The following ANXA4 variants were observed in gnomAD, a reference collection of about 807,000 sequenced individuals.
The protein encoded by ANXA4 is annexin A4, also known as 35-beta calcimedin.
A neutral mutation model predicts 49.8 loss-of-function variants in ANXA4; 39 were observed. The observed-to-expected ratio is 0.78, with a 90% CI of 0.61 to 1.02. ANXA4 has a LOEUF of 1.02. ANXA4 is among the 50% of genes least tolerant of loss of function. The pLI is 0.00. For synonymous variants in ANXA4, 134 were observed against 152.5 expected (o/e 0.88, Z 0.89); for missense variants, 360 against 410.1 (o/e 0.88, Z 1.05).
intron 2 of ANXA4, among the ~76,000 whole-genome samples, chr2:69,709,877 C>T (rs1678620922): frequency 6.6e-6 from 1 of 151,994 alleles, no homozygotes; most frequent in Admixed American, 6.6e-5. Flanking sequence ...TTAACTAAAG[C>T]ATGCTTGCTG....
chr2:69,765,716 C>A (rs946414617), intron 1 of ANXA4, among the ~76,000 whole-genome samples: 19 of 152,234 alleles, frequency 1.2e-4, no homozygotes, highest in African/African-American at 4.6e-4. Flanking sequence ...AAACCCTAGT[C>A]TAAAATCAAT....
At chr2:69,792,353 A>G (rs1389935178) in intron 3 of ANXA4, among the ~76,000 whole-genome samples, 3 of 152,244 alleles carry the variant, frequency 2.0e-5, no homozygotes, top group Admixed American at 6.5e-5. Context: ...TTAGTTTGCT[A>G]TTAATGTTAA....
chr2:69,794,406 A>G (rs964883191), intron 3 of ANXA4, among the ~76,000 whole-genome samples: 1 of 152,166 alleles, frequency 6.6e-6, no homozygotes, highest in Non-Finnish European at 1.5e-5. Context: ...GCTGGACCTC[A>G]AGCCTTAGTT....
intron 1 of ANXA4, among the ~76,000 whole-genome samples, chr2:69,773,192 A>G (rs560499194): frequency 6.6e-6 from 1 of 152,300 alleles, no homozygotes; most frequent in African/African-American, 2.4e-5. Context: ...TCCTTAAGTG[A>G]AATATTTCTA....
At chr2:69,775,961 TTTTA>T (rs61468872) in intron 1 of ANXA4, among the ~76,000 whole-genome samples, 71 of 104,560 alleles carry the variant, frequency 6.8e-4, no homozygotes, top group African/African-American at 1.9e-3. Flanking sequence ...TTTATTTTTA[TTTTA>T]TTTATTTATT....
At chr2:69,672,497 G>A (rs535985049) in intron 2 of ANXA4, among the ~76,000 whole-genome samples, 1 of 152,218 alleles carries the variant, frequency 6.6e-6, no homozygotes, top group East Asian at 1.9e-4. Context: ...CCCCCAAAGT[G>A]CTGGAATTAC....
At chr2:69,757,891 GGA>G (rs1413188033) in intron 1 of ANXA4, among the ~76,000 whole-genome samples, 3 of 149,744 alleles carry the variant, frequency 2.0e-5, no homozygotes, top group Non-Finnish European at 4.4e-5. Context: ...CCCAGGGGAT[GGA>G]GGTTGCAGTG....
chr2:69,757,260 ATATATATTTTTTTTTT>A (rs1162390640), intron 1 of ANXA4, among the ~76,000 whole-genome samples: 619 of 51,670 alleles, frequency 0.012, 5 homozygotes, highest in African/African-American at 0.041. Flanking sequence ...ATATATATAT[ATATATATTTTTTTTTT>A]TTTTTTTTTT....
intron 2 of ANXA4, among the ~76,000 whole-genome samples, chr2:69,676,070 T>C (rs180929322): frequency 5.3e-5 from 8 of 151,552 alleles, no homozygotes; most frequent in Admixed American, 3.9e-4. Context: ...CTTTATGTTA[T>C]CTATATTTTG....
At position 69,772,965 on chromosome 2, in the gene ANXA4, C is replaced by G. The variant is rs184651019; in HGVS notation, c.-46-8555C>G. Among the ~76,000 whole-genome samples the G allele has an allele frequency of 5.8e-3, 884 of 151,414 alleles. 6 individuals are homozygous for G. Among genetic ancestry groups the G allele is most frequent in the African/African-American group, 0.021 (849 of 41,206 alleles). On this transcript the variant is annotated intron_variant, in intron 1 of 12. Coordinates refer to ENST00000394295, the MANE Select transcript of ANXA4 (RefSeq NM_001153.5). Reference sequence around the variant, plus strand: ...CCGGGAGGCGGAGGTTGCAGTGAGCCGAGATCATGCCACTGCACTCCAGCC... The same window carrying G: ...CCGGGAGGCGGAGGTTGCAGTGAGCGGAGATCATGCCACTGCACTCCAGCC...
chr2:69,743,360 GGCGTGTGCCAACACGCCTGGCTAAT>G (rs548908893), intron 1 of ANXA4, among the ~76,000 whole-genome samples: 1,804 of 152,258 alleles, frequency 0.012, 37 homozygotes, highest in African/African-American at 0.04. Flanking sequence ...TGGGACTACA[GGCGTGTGCCAACACGCCTGGCTAAT>G]TTTTGTATTT....
chr2:69,783,407 G>A (rs1156451700), intron 2 of ANXA4, among the ~76,000 whole-genome samples: 1 of 152,110 alleles, frequency 6.6e-6, no homozygotes, highest in Non-Finnish European at 1.5e-5. Flanking sequence ...GGTAGAGACA[G>A]GGTTTCACTG....
intron 2 of ANXA4, among the ~76,000 whole-genome samples, chr2:69,689,553 T>C (rs1023257610): frequency 6.6e-6 from 1 of 152,240 alleles, no homozygotes; most frequent in African/African-American, 2.4e-5. Context: ...ATAACTGTTC[T>C]AAGACCCACC....
At chr2:69,729,522 G>A (rs1425487338) in intron 3 of ANXA4, among the ~76,000 whole-genome samples, 1 of 152,152 alleles carries the variant, frequency 6.6e-6, no homozygotes, top group Non-Finnish European at 1.5e-5. Context: ...ACAACTTAGG[G>A]GTGGTGCTAC....
At position 69,816,089 on chromosome 2, in the gene ANXA4, G is replaced by A. The variant is rs767567985; in HGVS notation, c.535-12G>A. ...TTTTGGAATTTTAGACCTGTGCTTT[G>A]TTTGGCTTCAGGACCTGTATGAGGC... On this transcript the variant is annotated splice_polypyrimidine_tract_variant and intron_variant, in intron 8 of 12. Transcript: ENST00000394295. 10 of 1,611,282 alleles carry A rather than the reference G, an allele frequency of 6.2e-6. No homozygotes were observed. Among genetic ancestry groups the A allele is most frequent in the Non-Finnish European group, 8.5e-6 (10 of 1,177,638 alleles).
At chr2:69,824,778 G>T (rs1036958305) in intron 12 of ANXA4, among the ~76,000 whole-genome samples, 6 of 152,056 alleles carry the variant, frequency 3.9e-5, no homozygotes, top group African/African-American at 1.4e-4. Context: ...TAACAAAATA[G>T]GGCCCTAGCA....
At chr2:69,719,780 G>C (rs527733873) in intron 2 of ANXA4, among the ~76,000 whole-genome samples, 5 of 152,122 alleles carry the variant, frequency 3.3e-5, no homozygotes, top group South Asian at 2.1e-4. Context: ...AAAATCATTA[G>C]TTAAAAATCA....
chr2:69,821,358 C>T (rs1201646944), intron 12 of ANXA4, among the ~76,000 whole-genome samples: 1 of 152,160 alleles, frequency 6.6e-6, no homozygotes, highest in African/African-American at 2.4e-5. Context: ...ACAGATTTCC[C>T]TAGGAGCTAA....
chr2:69,698,185 C>T (rs946223965), intron 2 of ANXA4, among the ~76,000 whole-genome samples: 2 of 152,202 alleles, frequency 1.3e-5, no homozygotes, highest in Admixed American at 1.3e-4. Context: ...TTCTGAGTCT[C>T]TCTCATACGA....
Sources: allele counts gnomAD v4.1 joint callset (sites outside exome capture counted in the v4.1 genomes callset), GRCh38; gene constraint gnomAD v4.1.1; transcripts MANE v1.5; gene names NCBI Gene and HGNC (gene_info 2026-07-23, HGNC 2026-07-21).